KYNU: variants seen among roughly 807,000 people sequenced by gnomAD.
KYNU encodes the protein kynureninase.
Under a neutral mutation model 59.2 loss-of-function variants are expected in KYNU, and 54 were observed. That is an observed-to-expected ratio of 0.91 (90% CI 0.73 to 1.14). KYNU has a LOEUF of 1.14. Ranked by LOEUF, KYNU falls within the 50% of genes most tolerant of loss-of-function variation. The probability of loss-of-function intolerance (pLI) is 0.00; values close to 1 mark genes in which losing one functional copy is unlikely to be tolerated. For missense variants in KYNU, 567 were observed against 554.4 expected, an observed-to-expected ratio of 1.02 and a Z score of -0.23; for synonymous variants, 177 against 192.0, an observed-to-expected ratio of 0.92 and a Z score of 0.65.
intron 2 of KYNU, among the ~76,000 whole-genome samples, chr2:142,887,148 C>T (rs528833837): frequency 7.9e-4 from 115 of 145,400 alleles, no homozygotes; most frequent in Non-Finnish European, 1.4e-3. Context: ...CCAGCTTGGG[C>T]GACAGTCCGA....
At chr2:142,952,235 C>T (rs1363091819) in intron 4 of KYNU, among the ~76,000 whole-genome samples, 2 of 152,038 alleles carry the variant, frequency 1.3e-5, no homozygotes, top group Non-Finnish European at 2.9e-5. Context: ...ACCACCACAT[C>T]CAGCTGTTTT....
Position 143,051,096 on chromosome 2 carries a change from T to A in KYNU, c.*8924T>A, listed in dbSNP as rs1687259047. On this transcript the variant is annotated 3_prime_UTR_variant, in exon 14 of 14. Coordinates refer to ENST00000264170, the MANE Select transcript of KYNU (RefSeq NM_003937.3). ...TCAAATAACACAATAATAATGGAGG[T>A]CATTGTGAAGTAGTGGATGTAAATA... The A allele has an allele frequency of 6.6e-6, 1 of 152,174 alleles. No individual in the cohort carries two copies. The highest frequency in any genetic ancestry group is 1.5e-5 in the Non-Finnish European group (1 of 68,018). The allele number at this position is 152,174 out of a possible 1,614,324, so 9.4% of individuals were successfully genotyped here. A position where few individuals can be genotyped will look rare whatever the true frequency, so the allele number is the denominator to read the frequency against.
At chr2:142,893,864 A>G (rs1452476519) in intron 2 of KYNU, among the ~76,000 whole-genome samples, 1 of 152,212 alleles carries the variant, frequency 6.6e-6, no homozygotes, top group Non-Finnish European at 1.5e-5. Flanking sequence ...AACATTAGCC[A>G]GATTGAGATT....
chr2:142,954,715 C>A, intron 4 of KYNU, 95 bp from the exon 5 acceptor site: 1 of 820,144 alleles, frequency 1.2e-6, no homozygotes, highest in Non-Finnish European at 2.2e-6. Flanking sequence ...TCTCTAAAGA[C>A]ATTAAGAATG....
intron 4 of KYNU, among the ~76,000 whole-genome samples, chr2:142,937,731 C>G (rs1381927265): frequency 1.3e-5 from 2 of 152,180 alleles, no homozygotes; most frequent in African/African-American, 2.4e-5. Context: ...AACAGTTGGT[C>G]TCCTTTGATT....
At chr2:142,899,683 G>T (rs368443780) in intron 2 of KYNU, among the ~76,000 whole-genome samples, 127 of 152,250 alleles carry the variant, frequency 8.3e-4, no homozygotes, top group African/African-American at 2.9e-3. Context: ...GTAGATCTTA[G>T]TCATGCATCT....
At chr2:142,878,561 A>G (rs1054872745) in intron 1 of KYNU, among the ~76,000 whole-genome samples, 2 of 152,210 alleles carry the variant, frequency 1.3e-5, no homozygotes, top group African/African-American at 4.8e-5. Flanking sequence ...CAATTTGCTT[A>G]TTTCAGGCAT....
In KYNU at chr2:143,042,505, G is replaced by A. The variant is rs1225058129; in HGVS notation, c.*333G>A. The A allele has an allele frequency of 5.1e-6, 1 of 195,502 alleles. No homozygotes were observed. Among genetic ancestry groups the A allele is most frequent in the African/African-American group, 2.4e-5 (1 of 41,650 alleles). The allele number at this position is 195,502 out of a possible 1,614,324, so 12.1% of individuals were successfully genotyped here. A position where few individuals can be genotyped will look rare whatever the true frequency, so the allele number is the denominator to read the frequency against. On this transcript the variant is annotated 3_prime_UTR_variant, in exon 14 of 14. Transcript: ENST00000264170. ...TTTAACTGACAACTTCATAATGTAT[G>A]TGCAATTATTGTGTCAAATTTAGAA...
chr2:142,930,433 A>T (rs1683172411), intron 4 of KYNU, among the ~76,000 whole-genome samples: 1 of 152,186 alleles, frequency 6.6e-6, no homozygotes, highest in South Asian at 2.1e-4. Context: ...GGGTCTCCAG[A>T]CTGCCATGAC....
intron 2 of KYNU, among the ~76,000 whole-genome samples, chr2:142,907,622 G>T (rs1200239727): frequency 6.6e-6 from 1 of 152,206 alleles, no homozygotes; most frequent in Non-Finnish European, 1.5e-5. Context: ...TACAATGGGA[G>T]GGGACCCAAA....
chr2:142,921,508 C>T (rs1682880878), intron 3 of KYNU, among the ~76,000 whole-genome samples: 1 of 152,040 alleles, frequency 6.6e-6, no homozygotes, highest in African/African-American at 2.4e-5. Flanking sequence ...GGAATTAAAA[C>T]CAGCCTGAGC....
Position 142,879,995 on chromosome 2 carries a change from T to C in KYNU, c.-20+2259T>C, listed in dbSNP as rs548455018. Among the ~76,000 whole-genome samples the C allele has an allele frequency of 3.7e-4, 56 of 152,322 alleles. 1 individual carries two copies. Among genetic ancestry groups the C allele is most frequent in the Admixed American group, 1.3e-3 (20 of 15,308 alleles). On this transcript the variant is annotated intron_variant, in intron 1 of 13. Coordinates refer to ENST00000264170, the MANE Select transcript of KYNU (RefSeq NM_003937.3). ...AGGCAAGCTCTCTTGATTCTGAATT[T>C]CATTAGAAATGTTTGTCTAAGTCTT...
intron 1 of KYNU, among the ~76,000 whole-genome samples, chr2:142,885,044 T>C (rs1681454640): frequency 7.8e-6 from 1 of 128,824 alleles, no homozygotes; most frequent in East Asian, 2.5e-4. Context: ...TGTATTTTTT[T>C]AGTAGAGATG....
In KYNU at chr2:143,043,629, G is replaced by A. The variant is rs989324952; in HGVS notation, c.*1457G>A. Reference sequence around the variant, plus strand: ...TCCCTTAATTGAGTGGCTACATACTGCTTTAGCAAATCTTCCTACTGTAAC... The same window carrying A: ...TCCCTTAATTGAGTGGCTACATACTACTTTAGCAAATCTTCCTACTGTAAC... On this transcript the variant is annotated 3_prime_UTR_variant, in exon 14 of 14. Transcript: ENST00000264170. 2.0e-5 allele frequency: 3 copies of A among 151,080 alleles called. No individual in the cohort carries two copies. The highest frequency in any genetic ancestry group is 7.3e-5 in the African/African-American group (3 of 41,212). The allele number at this position is 151,080 out of a possible 1,614,324, so 9.4% of individuals were successfully genotyped here.
rs1686810949 is a variant in KYNU at position 143,033,322 on chromosome 2, G to C, written c.1041+1G>C. 1 of 1,608,070 alleles carries C rather than the reference G, an allele frequency of 6.2e-7. No individual in the cohort carries two copies. The highest frequency in any genetic ancestry group is 1.3e-5 in the African/African-American group (1 of 74,814). On this transcript the variant is annotated splice_donor_variant, in intron 12 of 13. Coordinates refer to ENST00000264170, the MANE Select transcript of KYNU (RefSeq NM_003937.3). LOFTEE classifies it high-confidence loss of function. ...CTGTTCCTTGCATGCTAGTTTAGAG[G>C]TAAGTGATGTGTGTTTCAACCTTCC...
At chr2:142,927,531 A>G (rs1683082529) in intron 3 of KYNU, 128 bp from the exon 4 acceptor site, 1 of 680,372 alleles carries the variant, frequency 1.5e-6, no homozygotes, top group East Asian at 2.7e-5. Context: ...AAAAGGCCTG[A>G]TTTTATATAA....
chr2:142,944,275 T>G (rs1450972403), intron 4 of KYNU, among the ~76,000 whole-genome samples: 2 of 152,220 alleles, frequency 1.3e-5, no homozygotes, highest in African/African-American at 4.8e-5. Context: ...TTAGAAGTGC[T>G]GAAATACTTA....
At chr2:143,033,832 A>G (rs1457227904) in intron 12 of KYNU, among the ~76,000 whole-genome samples, 1 of 152,204 alleles carries the variant, frequency 6.6e-6, no homozygotes, top group African/African-American at 2.4e-5. Context: ...ACTTGAAGGA[A>G]AAAAGAATAA....
Position 142,985,072 on chromosome 2 carries a change from G to A in KYNU, c.730-12G>A, listed in dbSNP as rs1558959524. ...AAGCAAACTTAAAGCTTATTATTGTGTTCTTCCCTAGGGTTGTTATGTTGG... is the reference window on the plus strand; with the variant it reads ...AAGCAAACTTAAAGCTTATTATTGTATTCTTCCCTAGGGTTGTTATGTTGG... On this transcript the variant is annotated splice_polypyrimidine_tract_variant and intron_variant, in intron 8 of 13. Transcript: ENST00000264170. 5 of 1,495,134 alleles carry A rather than the reference G, an allele frequency of 3.3e-6. No individual in the cohort carries two copies. The highest frequency in any genetic ancestry group is 1.1e-5 in the South Asian group (1 of 88,650). 92.6% of individuals were successfully genotyped at this position (1,495,134 alleles called of 1,614,324 possible).
Sources: gnomAD v4.1 joint callset for allele counts (sites outside exome capture counted in the v4.1 genomes callset) on GRCh38, gnomAD v4.1.1 for gene constraint, MANE v1.5 for transcripts, NCBI Gene and HGNC (gene_info 2026-07-23, HGNC 2026-07-21) for gene names.